OPCML: variants seen among roughly 807,000 people sequenced by gnomAD.
OPCML encodes opioid binding protein/cell adhesion molecule like, also known as opioid-binding protein/cell adhesion molecule.
Under a neutral mutation model 37.8 loss-of-function variants are expected in OPCML, and 13 were observed. The observed-to-expected ratio is 0.34, with a 90% confidence interval of 0.22 to 0.55. The LOEUF (loss-of-function observed/expected upper bound fraction) is 0.55, where lower values mean the gene tolerates loss of function less well. Ranked by LOEUF, OPCML falls within the 20% of genes least tolerant of loss-of-function variation. The pLI is 0.91. For synonymous variants in OPCML, 176 were observed against 168.8 expected (o/e 1.04, Z -0.33); for missense variants, 341 against 435.6 (o/e 0.78, Z 1.93).
At chr11:133,411,176 C>T (rs145024382) in intron 1 of OPCML, among the ~76,000 whole-genome samples, 313 of 152,238 alleles carry the variant, frequency 2.1e-3, no homozygotes, top group African/African-American at 7.0e-3. Flanking sequence ...GGTCCCTCAA[C>T]TTCAAGGACT....
At chr11:132,564,580 T>C (rs888106560) in intron 3 of OPCML, among the ~76,000 whole-genome samples, 1 of 152,232 alleles carries the variant, frequency 6.6e-6, no homozygotes, top group Non-Finnish European at 1.5e-5. Context: ...GAAGTAATCC[T>C]ACTGTACCTC....
intron 4 of OPCML, among the ~76,000 whole-genome samples, chr11:132,469,585 A>T (rs1338398684): frequency 1.0e-5 from 1 of 96,264 alleles, no homozygotes; most frequent in Non-Finnish European, 1.9e-5. Flanking sequence ...ATGTGTATGG[A>T]TGTATGTGTA....
At chr11:133,184,315 C>T (rs1233532781) in intron 1 of OPCML, among the ~76,000 whole-genome samples, 1 of 152,156 alleles carries the variant, frequency 6.6e-6, no homozygotes, top group African/African-American at 2.4e-5. Flanking sequence ...ACAACGTGCA[C>T]GTGCAGAAGA....
intron 2 of OPCML, among the ~76,000 whole-genome samples, chr11:132,880,014 C>A (rs909329963): frequency 6.6e-6 from 1 of 152,132 alleles, no homozygotes; most frequent in African/African-American, 2.4e-5. Flanking sequence ...GAGGTGTAAT[C>A]GGCTCACTTC....
intron 1 of OPCML, among the ~76,000 whole-genome samples, chr11:133,186,828 A>G (rs1229451584): frequency 6.6e-6 from 1 of 152,198 alleles, no homozygotes; most frequent in Non-Finnish European, 1.5e-5. Context: ...CAGTGTGGGC[A>G]AAGTTTTCCA....
intron 2 of OPCML, among the ~76,000 whole-genome samples, chr11:132,755,792 A>G (rs1946022095): frequency 1.3e-5 from 2 of 152,164 alleles, no homozygotes; most frequent in Admixed American, 1.3e-4. Flanking sequence ...ACCACCAACA[A>G]AGCAACAACA....
chr11:133,133,852 G>A (rs987522558), intron 1 of OPCML, among the ~76,000 whole-genome samples: 9 of 152,004 alleles, frequency 5.9e-5, no homozygotes, highest in African/African-American at 2.2e-4. Flanking sequence ...CATTCGGGGG[G>A]GAAAAAGCCT....
At chr11:133,230,945 C>T (rs954738586) in intron 1 of OPCML, among the ~76,000 whole-genome samples, 4 of 152,164 alleles carry the variant, frequency 2.6e-5, no homozygotes, top group Admixed American at 6.5e-5. Flanking sequence ...ATTCAGACAC[C>T]GGATCTGCCA....
intron 1 of OPCML, among the ~76,000 whole-genome samples, chr11:133,458,236 G>GTA (rs1229448194): frequency 5.6e-5 from 6 of 106,542 alleles, no homozygotes; most frequent in South Asian, 2.4e-4. Flanking sequence ...ACACGTGTGT[G>GTA]TATATATACA....
intron 1 of OPCML, among the ~76,000 whole-genome samples, chr11:133,499,692 G>GT (rs954393022): frequency 3.3e-5 from 5 of 150,576 alleles, no homozygotes; most frequent in Admixed American, 2.0e-4. Context: ...GTTTGTTGGG[G>GT]TTTTTTTTAA....
chr11:132,655,997 A>G (rs977705921), intron 3 of OPCML, among the ~76,000 whole-genome samples: 1 of 151,924 alleles, frequency 6.6e-6, no homozygotes. Context: ...TAAAAGGCAG[A>G]TGCTAAAGAC....
chr11:132,919,044 G>A (rs1234398244), intron 2 of OPCML, among the ~76,000 whole-genome samples: 1 of 152,138 alleles, frequency 6.6e-6, no homozygotes, highest in Non-Finnish European at 1.5e-5. Context: ...TACATTCACT[G>A]GCAACTGAGA....
At chr11:133,022,659 TA>T (rs918182091) in intron 1 of OPCML, among the ~76,000 whole-genome samples, 3 of 152,128 alleles carry the variant, frequency 2.0e-5, no homozygotes, top group Admixed American at 6.5e-5. Context: ...ATATTCATCA[TA>T]GGGGGTTCAA....
chr11:132,868,293 G>C (rs533017672), intron 2 of OPCML, among the ~76,000 whole-genome samples: 83 of 123,750 alleles, frequency 6.7e-4, no homozygotes, highest in African/African-American at 2.1e-3. Context: ...CATTGAGGCT[G>C]TGATTTTTTT....
At chr11:132,732,114 CA>C (rs1238818454) in intron 2 of OPCML, among the ~76,000 whole-genome samples, 18 of 152,082 alleles carry the variant, frequency 1.2e-4, no homozygotes, top group Admixed American at 1.3e-4. Context: ...TGAGACAGAG[CA>C]AGTGTTGGTG....
intron 3 of OPCML, among the ~76,000 whole-genome samples, chr11:132,635,321 T>C (rs111310664): frequency 5.1e-4 from 78 of 152,296 alleles, no homozygotes; most frequent in African/African-American, 1.8e-3. Flanking sequence ...TTAAATTATT[T>C]CCAATTCGAT....
At chr11:132,656,526 A>G (rs1941714550) in intron 3 of OPCML, among the ~76,000 whole-genome samples, 1 of 152,182 alleles carries the variant, frequency 6.6e-6, no homozygotes, top group Admixed American at 6.5e-5. Flanking sequence ...ACCTGCAGAT[A>G]TCATTCTGAC....
intron 1 of OPCML, among the ~76,000 whole-genome samples, chr11:133,228,222 A>G (rs1414126725): frequency 2.0e-5 from 3 of 152,078 alleles, no homozygotes; most frequent in African/African-American, 7.2e-5. Flanking sequence ...ACTGCATTTT[A>G]CAAGACATGG....
At chr11:133,260,010 G>A (rs1170717574) in intron 1 of OPCML, among the ~76,000 whole-genome samples, 3 of 151,994 alleles carry the variant, frequency 2.0e-5, no homozygotes, top group Admixed American at 2.0e-4. Context: ...TATGGGCATC[G>A]GTAACAAACC....
Sources: gnomAD v4.1 joint callset for allele counts (sites outside exome capture counted in the v4.1 genomes callset) on GRCh38, gnomAD v4.1.1 for gene constraint, MANE v1.5 for transcripts, NCBI Gene and HGNC (gene_info 2026-07-23, HGNC 2026-07-21) for gene names.